VAT1L: variants seen among roughly 807,000 people sequenced by gnomAD.
VAT1L encodes vesicle amine transport 1 like, also known as putative NADPH-dependent quinone oxidoreductase VAT1L.
In VAT1L, 34 loss-of-function variants were observed where a neutral mutation model predicts 44.1. That is an observed-to-expected ratio of 0.77 (90% CI 0.59 to 1.03). The LOEUF is 1.03. Ranked by LOEUF, VAT1L falls within the 50% of genes least tolerant of loss-of-function variation. The probability of loss-of-function intolerance (pLI) is 0.00; values close to 1 mark genes in which losing one functional copy is unlikely to be tolerated. For missense variants in VAT1L, 615 were observed against 538.8 expected (o/e 1.14, Z -1.40); for synonymous variants, 253 against 202.2 (o/e 1.25, Z -2.13).
chr16:77,859,145 A>AG (rs2016890594), intron 3 of VAT1L, among the ~76,000 whole-genome samples: 1 of 151,842 alleles, frequency 6.6e-6, no homozygotes, highest in Admixed American at 6.6e-5. Context: ...CAAAAAAAAA[A>AG]AAAAACTATT....
At chr16:77,916,929 C>T (rs2017558499) in intron 7 of VAT1L, among the ~76,000 whole-genome samples, 1 of 152,006 alleles carries the variant, frequency 6.6e-6, no homozygotes, top group Admixed American at 6.6e-5. Context: ...GTCATTTTCA[C>T]AGCAACAGCC....
chr16:77,913,425 C>G (rs1351064123), intron 7 of VAT1L, among the ~76,000 whole-genome samples: 6 of 151,972 alleles, frequency 3.9e-5, no homozygotes, highest in Non-Finnish European at 7.4e-5. Context: ...TCTACCAAAC[C>G]CACTCTTGTC....
intron 7 of VAT1L, among the ~76,000 whole-genome samples, chr16:77,916,499 T>C (rs566633265): frequency 1.3e-5 from 2 of 152,346 alleles, no homozygotes; most frequent in East Asian, 1.9e-4. Flanking sequence ...TTTGTTGTTT[T>C]AGAGATGGAG....
At chr16:77,924,352 T>C (rs939385642) in intron 7 of VAT1L, among the ~76,000 whole-genome samples, 11 of 152,080 alleles carry the variant, frequency 7.2e-5, no homozygotes, top group African/African-American at 2.7e-4. Flanking sequence ...CTGGCACACA[T>C]ATCAGGCATT....
At chr16:77,802,890 G>C (rs939613960) in intron 1 of VAT1L, among the ~76,000 whole-genome samples, 3 of 151,486 alleles carry the variant, frequency 2.0e-5, no homozygotes, top group Admixed American at 1.3e-4. Flanking sequence ...TTTTTGAGGC[G>C]CATCAATCAA....
intron 3 of VAT1L, among the ~76,000 whole-genome samples, chr16:77,853,248 C>A (rs1354853973): frequency 2.6e-5 from 4 of 152,168 alleles, no homozygotes; most frequent in South Asian, 2.1e-4. Context: ...CTTCTCTGAT[C>A]ACAGAAGACT....
At chr16:77,859,012 G>A (rs1172806204) in intron 3 of VAT1L, among the ~76,000 whole-genome samples, 3 of 151,998 alleles carry the variant, frequency 2.0e-5, no homozygotes, top group African/African-American at 7.3e-5. Context: ...GCACATGCCT[G>A]TAATCCCAGC....
At position 77,829,923 on chromosome 16, in the gene VAT1L, C is replaced by T. The variant is rs541889632; in HGVS notation, c.579+4462C>T. Among the ~76,000 whole-genome samples, 3 of 152,288 alleles carry T rather than the reference C, an allele frequency of 2.0e-5. No individual in the cohort carries two copies. The South Asian group carries it at 6.2e-4, about 32-fold the overall frequency. On this transcript the variant is annotated intron_variant, in intron 3 of 8. Coordinates refer to ENST00000302536, the MANE Select transcript of VAT1L (RefSeq NM_020927.3). ...ATTACTATAGGCAGTAAGCAAGCAT[C>T]ATTCCCATTTTACAGAAGTGGAAGC...
At chr16:77,886,646 T>C (rs539320989) in intron 7 of VAT1L, among the ~76,000 whole-genome samples, 47 of 152,330 alleles carry the variant, frequency 3.1e-4, no homozygotes, top group Non-Finnish European at 2.8e-4. Context: ...CAAGATCCCA[T>C]GACTTCATGG....
rs992696481 is a variant in VAT1L at position 77,910,076 on chromosome 16, G to C, written c.1077+25274G>C. On this transcript the variant is annotated intron_variant, in intron 7 of 8. Transcript: ENST00000302536. ...TGCCCTTTAAGGTGAAATTCAATTA[G>C]AGTTGGAATATTATTTGCAAACATA... 4.0e-4 allele frequency among the ~76,000 whole-genome samples: 61 copies of C among 152,200 alleles called. 1 individual carries two copies. Among genetic ancestry groups the C allele is most frequent in the Middle Eastern group, 3.2e-3 (1 of 316 alleles).
At chr16:77,919,520 G>A (rs1228727730) in intron 7 of VAT1L, among the ~76,000 whole-genome samples, 1 of 152,178 alleles carries the variant, frequency 6.6e-6, no homozygotes, top group Non-Finnish European at 1.5e-5. Context: ...GATGAATGAT[G>A]TGGGAATTTG....
chr16:77,881,111 C>G (rs1567496868), intron 6 of VAT1L, among the ~76,000 whole-genome samples: 1 of 152,136 alleles, frequency 6.6e-6, no homozygotes, highest in African/African-American at 2.4e-5. Context: ...TGGATATATA[C>G]CCAGTAATGA....
chr16:77,946,477 T>G (rs2017968324), intron 7 of VAT1L, among the ~76,000 whole-genome samples: 1 of 151,430 alleles, frequency 6.6e-6, no homozygotes, highest in African/African-American at 2.4e-5. Context: ...AGAGACAAGG[T>G]TTCACCGTGT....
chr16:77,900,238 T>G (rs1037345070), intron 7 of VAT1L, among the ~76,000 whole-genome samples: 7 of 152,212 alleles, frequency 4.6e-5, no homozygotes, highest in Non-Finnish European at 8.8e-5. Context: ...CCACATTCCT[T>G]ATTCCGGAGA....
intron 7 of VAT1L, among the ~76,000 whole-genome samples, chr16:77,912,518 A>T (rs768225640): frequency 2.0e-4 from 30 of 152,158 alleles, no homozygotes; most frequent in Non-Finnish European, 3.7e-4. Flanking sequence ...CCCAGGCTCA[A>T]GCGGTCCTCC....
intron 5 of VAT1L, among the ~76,000 whole-genome samples, chr16:77,878,224 G>A (rs1045333397): frequency 1.3e-5 from 2 of 152,160 alleles, no homozygotes; most frequent in African/African-American, 4.8e-5. Flanking sequence ...AAGGGTAATT[G>A]CAGTCTTCGG....
At chr16:77,966,017 C>A (rs1005466207) in intron 7 of VAT1L, among the ~76,000 whole-genome samples, 1 of 152,098 alleles carries the variant, frequency 6.6e-6, no homozygotes, top group Non-Finnish European at 1.5e-5. Flanking sequence ...GTAAAATACA[C>A]CCTAGATTCC....
chr16:77,907,542 A>T (rs2017451312), intron 7 of VAT1L, among the ~76,000 whole-genome samples: 1 of 152,096 alleles, frequency 6.6e-6, no homozygotes, highest in Admixed American at 6.5e-5. Context: ...TTTTGCTCTC[A>T]CTTCTTGGAC....
At chr16:77,958,583 T>A (rs1376493752) in intron 7 of VAT1L, among the ~76,000 whole-genome samples, 1 of 152,224 alleles carries the variant, frequency 6.6e-6, no homozygotes, top group East Asian at 1.9e-4. Context: ...CACCAGATTT[T>A]TTTTTCCCTC....
Sources: gnomAD v4.1 joint callset for allele counts (sites outside exome capture counted in the v4.1 genomes callset) on GRCh38, gnomAD v4.1.1 for gene constraint, MANE v1.5 for transcripts, NCBI Gene and HGNC (gene_info 2026-07-23, HGNC 2026-07-21) for gene names.